VOPP1: variants seen among roughly 807,000 people sequenced by gnomAD.
VOPP1 encodes WW domain binding protein VOPP1.
Under a neutral mutation model 23.5 loss-of-function variants are expected in VOPP1, and 8 were observed. The ratio of observed to expected loss-of-function variants is 0.34; its 90% CI spans 0.20 to 0.61. The LOEUF (loss-of-function observed/expected upper bound fraction) is 0.61, where lower values mean the gene tolerates loss of function less well. VOPP1 is among the 20% of genes least tolerant of loss of function. The pLI is 0.78. For synonymous variants in VOPP1, 83 were observed against 97.3 expected (o/e 0.85, Z 0.86); for missense variants, 174 against 238.1 (o/e 0.73, Z 1.77).
chr7:55,450,079 C>G (rs890035117), intron 4 of VOPP1, among the ~76,000 whole-genome samples: 74 of 152,204 alleles, frequency 4.9e-4, no homozygotes, highest in Non-Finnish European at 2.1e-4. Flanking sequence ...AAGAAAAAGA[C>G]GAGCAACGAT....
chr7:55,443,854 G>A (rs1791030100), intron 4 of VOPP1, among the ~76,000 whole-genome samples: 1 of 152,034 alleles, frequency 6.6e-6, no homozygotes, highest in Non-Finnish European at 1.5e-5. Context: ...TGTTGCCCAG[G>A]CTGGTCTCAA....
intron 1 of VOPP1, among the ~76,000 whole-genome samples, chr7:55,536,384 C>G (rs1306354821): frequency 6.6e-6 from 1 of 152,090 alleles, no homozygotes; most frequent in Non-Finnish European, 1.5e-5. Flanking sequence ...CAAAAATTAG[C>G]CCGGTGTGGT....
chr7:55,524,621 C>A lies in VOPP1; in HGVS notation c.55-3491G>T, dbSNP rs143516618. ...CAGGTCTCATTATTCAACTGAAAAA[C>A]GCCAAAATGAGGACACAGAAGTCCT... On this transcript the variant is annotated intron_variant, in intron 1 of 4. Coordinates refer to ENST00000285279, the MANE Select transcript of VOPP1 (RefSeq NM_030796.5). Among the ~76,000 whole-genome samples, 1,298 of 152,290 alleles carry A rather than the reference C, an allele frequency of 8.5e-3. 19 individuals carry two copies. The highest frequency in any genetic ancestry group is 0.03 in the African/African-American group (1,243 of 41,568).
rs566559681 is a variant in VOPP1 at position 55,550,614 on chromosome 7, G to C, written c.54+21657C>G. 4.5e-4 allele frequency among the ~76,000 whole-genome samples: 68 copies of C among 152,122 alleles called. 1 individual carries two copies. The Middle Eastern group carries it at 0.014, about 30-fold the overall frequency. On this transcript the variant is annotated intron_variant, in intron 1 of 4. Coordinates refer to ENST00000285279, the MANE Select transcript of VOPP1 (RefSeq NM_030796.5). ...GCATTCTTACAATATATAAAAACGG[G>C]AACAAATTAAATACTCAATGTCAGG...
intron 1 of VOPP1, among the ~76,000 whole-genome samples, chr7:55,530,498 G>A (rs1209390824): frequency 6.6e-6 from 1 of 152,124 alleles, no homozygotes. Context: ...GCAAACTAAG[G>A]TCTCGAAGAG....
At chr7:55,563,021 A>G (rs1798040755) in intron 1 of VOPP1, among the ~76,000 whole-genome samples, 1 of 152,134 alleles carries the variant, frequency 6.6e-6, no homozygotes, top group Non-Finnish European at 1.5e-5. Context: ...CGTCCATCTC[A>G]CTCAGAAATT....
chr7:55,468,289 G>GA (rs896405078), downstream of VOPP1, among the ~76,000 whole-genome samples: 45 of 142,922 alleles, frequency 3.1e-4, no homozygotes, highest in Admixed American at 1.3e-3. Flanking sequence ...AAAAAAAAAA[G>GA]AAAAAAAAAG....
At chr7:55,504,673 G>A (rs1794592995) in intron 2 of VOPP1, among the ~76,000 whole-genome samples, 1 of 152,214 alleles carries the variant, frequency 6.6e-6, no homozygotes, top group Non-Finnish European at 1.5e-5. Context: ...AGAATCCAAG[G>A]CAGGCCCCAC....
At chr7:55,552,328 A>G (rs956699855) in intron 1 of VOPP1, among the ~76,000 whole-genome samples, 1 of 152,246 alleles carries the variant, frequency 6.6e-6, no homozygotes, top group Non-Finnish European at 1.5e-5. Flanking sequence ...CCTCCCAAGA[A>G]GCTCAGACTA....
At chr7:55,523,532 T>C (rs1269221272) in intron 1 of VOPP1, among the ~76,000 whole-genome samples, 1 of 152,200 alleles carries the variant, frequency 6.6e-6, no homozygotes, top group Non-Finnish European at 1.5e-5. Flanking sequence ...CTGCTGAAAC[T>C]GCCTGCCCTG....
At chr7:55,461,418 G>GT (rs200620024) in intron 4 of VOPP1, among the ~76,000 whole-genome samples, 1,783 of 151,988 alleles carry the variant, frequency 0.012, 13 homozygotes, top group Admixed American at 0.021. Context: ...CTAGTCCATT[G>GT]TTTTTTTTCT....
rs957311050 is a variant in VOPP1 at position 55,554,338 on chromosome 7, G to A, written c.54+17933C>T. On this transcript the variant is annotated intron_variant, in intron 1 of 4. Transcript: ENST00000285279. ...ATCTCACAGGGCACTGAAGAGCACT[G>A]GGAACTAACTTGAGGGTGGCTGGAA... Among the ~76,000 whole-genome samples, 4 of 152,304 alleles carry A rather than the reference G, an allele frequency of 2.6e-5. No individual in the cohort carries two copies. In the South Asian group the frequency reaches 6.2e-4, roughly 24 times the overall value.
chr7:55,555,923 C>T (rs1377794415), intron 1 of VOPP1, among the ~76,000 whole-genome samples: 1 of 152,148 alleles, frequency 6.6e-6, no homozygotes, highest in Non-Finnish European at 1.5e-5. Context: ...ATGAATAACC[C>T]CAATAGCCAT....
At chr7:55,552,021 CAAAAAAAAAAAAAA>C (rs202229227) in intron 1 of VOPP1, among the ~76,000 whole-genome samples, 36 of 55,806 alleles carry the variant, frequency 6.5e-4, no homozygotes, top group Non-Finnish European at 8.5e-4. Context: ...AGACTGTGTC[CAAAAAAAAAAAAAA>C]AAAAAAAAAA....
chr7:55,561,570 G>A (rs992455722), intron 1 of VOPP1, among the ~76,000 whole-genome samples: 2 of 151,808 alleles, frequency 1.3e-5, no homozygotes, highest in East Asian at 1.9e-4. Flanking sequence ...TTAAGTGGGC[G>A]TGCTGGTGGG....
intron 1 of VOPP1, among the ~76,000 whole-genome samples, chr7:55,543,762 G>T (rs531632486): frequency 5.3e-5 from 8 of 151,882 alleles, no homozygotes; most frequent in African/African-American, 1.9e-4. Flanking sequence ...AGATTATTTG[G>T]TTTTTGGCTA....
At chr7:55,503,541 TAAACCTTTCCATGTGTTGTTG>T in intron 2 of VOPP1, among the ~76,000 whole-genome samples, 1 of 152,374 alleles carries the variant, frequency 6.6e-6, no homozygotes, top group Middle Eastern at 3.4e-3. Flanking sequence ...AGTCAGTTTG[TAAACCTTTCCATGTGTTGTTG>T]CTATGGATGG....
At chr7:55,567,793 T>C (rs1031722913) in intron 1 of VOPP1, among the ~76,000 whole-genome samples, 5 of 152,206 alleles carry the variant, frequency 3.3e-5, no homozygotes, top group Non-Finnish European at 7.3e-5. Context: ...TTCTTTTTCA[T>C]TCAAATTGCA....
chr7:55,477,573 G>A (rs901803087), intron 4 of VOPP1, among the ~76,000 whole-genome samples: 9 of 152,188 alleles, frequency 5.9e-5, no homozygotes, highest in African/African-American at 2.2e-4. Context: ...TTGTAGAAGA[G>A]AGGCAGCCAG....
Sources: gnomAD v4.1 joint callset for allele counts (sites outside exome capture counted in the v4.1 genomes callset) on GRCh38, gnomAD v4.1.1 for gene constraint, MANE v1.5 for transcripts, NCBI Gene and HGNC (gene_info 2026-07-23, HGNC 2026-07-21) for gene names.